The following STK31 variants were observed in gnomAD, a reference collection of about 807,000 sequenced individuals.
The protein encoded by STK31 is serine/threonine kinase 31, also known as serine/threonine-protein kinase 31.
In STK31, 89 loss-of-function variants were observed where a neutral mutation model predicts 129.7. The observed-to-expected ratio is 0.69, with a 90% confidence interval of 0.58 to 0.82. The LOEUF is 0.82. Among genes scored for constraint, STK31 ranks in the 40% least tolerant of loss-of-function variants. The pLI, the probability that STK31 is intolerant of heterozygous loss-of-function variation, is 0.00. For synonymous variants in STK31, 448 were observed against 395.3 expected (o/e 1.13, Z -1.58); for missense variants, 1,187 against 1,176.4 (o/e 1.01, Z -0.13).
intron 4 of STK31, among the ~76,000 whole-genome samples, chr7:23,720,887 G>A (rs1373256789): frequency 6.6e-6 from 1 of 152,126 alleles, no homozygotes; most frequent in Admixed American, 6.5e-5. Context: ...GGTCTACAAA[G>A]CATTTGATTT....
chr7:23,829,102 G>A (rs574662926), intron 23 of STK31, among the ~76,000 whole-genome samples: 2 of 151,502 alleles, frequency 1.3e-5, no homozygotes, highest in African/African-American at 2.4e-5. Flanking sequence ...GTAGAGACGA[G>A]GTTTCACTGT....
intron 10 of STK31, among the ~76,000 whole-genome samples, chr7:23,761,105 A>AG (rs1789434524): frequency 6.6e-6 from 1 of 152,190 alleles, no homozygotes. Flanking sequence ...ATGTAAAAAA[A>AG]CCTGCCTTAT....
chr7:23,730,878 A>ATATATATTTTTTTTTTTTTTTTTTTT, intron 6 of STK31, among the ~76,000 whole-genome samples: 1 of 59,554 alleles, frequency 1.7e-5, no homozygotes, highest in Non-Finnish European at 3.3e-5. Flanking sequence ...ATATATATAT[A>ATATATATTTTTTTTTTTTTTTTTTTT]TTTTTTTTTT....
intron 8 of STK31, among the ~76,000 whole-genome samples, chr7:23,738,526 T>G (rs1423461161): frequency 6.6e-6 from 1 of 152,168 alleles, no homozygotes; most frequent in Non-Finnish European, 1.5e-5. Flanking sequence ...TAGCTCGGAC[T>G]ATAGGTATGT....
At position 23,794,255 on chromosome 7, in the gene STK31, G is replaced by T. The variant is rs562595284; in HGVS notation, c.2760+3309G>T. On this transcript the variant is annotated intron_variant, in intron 22 of 23. Coordinates refer to ENST00000355870, the MANE Select transcript of STK31 (RefSeq NM_031414.5). ...TTTCCCCCATGCAGTTCTTGTGGAAGTAAGTCTCACAAGATCTGATGATTT... is the reference window on the plus strand; with the variant it reads ...TTTCCCCCATGCAGTTCTTGTGGAATTAAGTCTCACAAGATCTGATGATTT... Among the ~76,000 whole-genome samples the T allele has an allele frequency of 2.6e-5, 4 of 152,300 alleles. No homozygotes were observed. The East Asian group carries it at 5.8e-4, about 22-fold the overall frequency.
chr7:23,775,327 A>G (rs909092205), intron 15 of STK31, among the ~76,000 whole-genome samples: 1 of 152,168 alleles, frequency 6.6e-6, no homozygotes, highest in African/African-American at 2.4e-5. Flanking sequence ...TTTTAGTTCC[A>G]TATGAAATTT....
At chr7:23,719,896 A>G (rs1379297052) in intron 4 of STK31, among the ~76,000 whole-genome samples, 1 of 152,146 alleles carries the variant, frequency 6.6e-6, no homozygotes, top group African/African-American at 2.4e-5. Context: ...AATCTGAGCA[A>G]CTACTGTAAT....
intron 8 of STK31, among the ~76,000 whole-genome samples, chr7:23,750,076 G>GCCCCC (rs1236953827): frequency 9.6e-6 from 1 of 104,162 alleles, no homozygotes; most frequent in Non-Finnish European, 2.0e-5. Flanking sequence ...TTCCCCCCCC[G>GCCCCC]CCACTGCTGG....
intron 23 of STK31, among the ~76,000 whole-genome samples, chr7:23,817,145 G>C (rs1793515419): frequency 6.6e-6 from 1 of 152,032 alleles, no homozygotes; most frequent in Admixed American, 6.6e-5. Flanking sequence ...CCGAGATTGT[G>C]CCATTGCACT....
At chr7:23,769,198 G>C (rs1375345230) in intron 12 of STK31, 24 bp downstream of exon 12, 1 of 1,512,620 alleles carries the variant, frequency 6.6e-7, no homozygotes, top group East Asian at 2.3e-5. Flanking sequence ...CTGCCCGGTT[G>C]TGTTTGTAGC....
chr7:23,739,744 T>C (rs1471663809), intron 8 of STK31, among the ~76,000 whole-genome samples: 3 of 152,200 alleles, frequency 2.0e-5, no homozygotes, highest in African/African-American at 7.2e-5. Flanking sequence ...CTTTCCCCAT[T>C]GCTTGTTTTT....
At chr7:23,830,104 A>G (rs531148419) in intron 23 of STK31, among the ~76,000 whole-genome samples, 181 of 152,116 alleles carry the variant, frequency 1.2e-3, no homozygotes, top group African/African-American at 4.0e-3. Flanking sequence ...CGCCCGCCAC[A>G]ACGCCTAGCT....
intron 10 of STK31, among the ~76,000 whole-genome samples, chr7:23,755,577 G>A (rs568948051): frequency 6.6e-6 from 1 of 152,280 alleles, no homozygotes; most frequent in African/African-American, 2.4e-5. Context: ...CTTTGCCCAT[G>A]CCTATGTCCT....
intron 13 of STK31, among the ~76,000 whole-genome samples, chr7:23,770,100 T>A (rs892175024): frequency 2.0e-5 from 3 of 152,182 alleles, no homozygotes; most frequent in Admixed American, 6.6e-5. Context: ...AGAGACTCCT[T>A]AGAGTTTGTG....
chr7:23,795,418 A>T (rs764668861), intron 22 of STK31, among the ~76,000 whole-genome samples: 2 of 152,224 alleles, frequency 1.3e-5, no homozygotes, highest in Non-Finnish European at 2.9e-5. Flanking sequence ...CTGGATGTCC[A>T]GGCAGAAGTT....
intron 8 of STK31, among the ~76,000 whole-genome samples, chr7:23,747,842 G>A (rs1443114545): frequency 6.6e-6 from 1 of 152,060 alleles, no homozygotes; most frequent in African/African-American, 2.4e-5. Context: ...GGCAATTTGT[G>A]TCCTCTGTCT....
chr7:23,786,684 C>T, intron 19 of STK31, 51 bp downstream of exon 19: 3 of 1,582,054 alleles, frequency 1.9e-6, no homozygotes, highest in Non-Finnish European at 8.6e-7. Context: ...CTTGCAGAAA[C>T]TATTTTATTT....
intron 8 of STK31, among the ~76,000 whole-genome samples, chr7:23,752,350 A>AT (rs140189040): frequency 0.037 from 5,175 of 140,800 alleles, 138 homozygotes; most frequent in Non-Finnish European, 0.055. Flanking sequence ...CAAATTTGGA[A>AT]TTTTTTTTTT....
intron 15 of STK31, among the ~76,000 whole-genome samples, chr7:23,774,025 T>A (rs1790372977): frequency 1.3e-5 from 2 of 151,396 alleles, no homozygotes; most frequent in Admixed American, 1.3e-4. Context: ...AGTGAGAACA[T>A]GTGGTGTTTG....
Sources: gnomAD v4.1 joint callset for allele counts (sites outside exome capture counted in the v4.1 genomes callset) on GRCh38, gnomAD v4.1.1 for gene constraint, MANE v1.5 for transcripts, NCBI Gene and HGNC (gene_info 2026-07-23, HGNC 2026-07-21) for gene names.